Variants in PDE1C observed in about 807,000 individuals in gnomAD.
PDE1C encodes dual specificity calcium/calmodulin-dependent 3',5'-cyclic nucleotide phosphodiesterase 1C.
PDE1C carries 62 observed loss-of-function variants against 93.1 expected under a neutral mutation model. The observed-to-expected ratio is 0.67, with a 90% confidence interval of 0.54 to 0.82. The LOEUF (loss-of-function observed/expected upper bound fraction) is 0.82, where lower values mean the gene tolerates loss of function less well. PDE1C is among the 40% of genes least tolerant of loss of function. The probability of loss-of-function intolerance (pLI) is 0.00; values close to 1 mark genes in which losing one functional copy is unlikely to be tolerated. For synonymous variants in PDE1C, 325 were observed against 310.1 expected (o/e 1.05, Z -0.50); for missense variants, 742 against 884.6 (o/e 0.84, Z 2.04).
At chr7:31,808,135 T>C in intron 16 of PDE1C, 1 of 440,350 alleles carries the variant, frequency 2.3e-6, no homozygotes, top group Non-Finnish European at 4.3e-6. Context: ...ACGTTCCAAT[T>C]TATTCTTACT....
chr7:32,307,116 G>A (rs560777461), intron 1 of PDE1C, among the ~76,000 whole-genome samples: 4 of 152,306 alleles, frequency 2.6e-5, no homozygotes, highest in South Asian at 4.1e-4. Context: ...CCTACTATGT[G>A]CAGATAGTTT....
chr7:32,006,689 C>T (rs973720499), intron 2 of PDE1C, among the ~76,000 whole-genome samples: 2 of 152,192 alleles, frequency 1.3e-5, no homozygotes, highest in Non-Finnish European at 2.9e-5. Flanking sequence ...GATGAAATTC[C>T]ATAAACAGGC....
intron 16 of PDE1C, among the ~76,000 whole-genome samples, chr7:31,780,150 G>T (rs577256999): frequency 2.0e-4 from 30 of 152,278 alleles, no homozygotes; most frequent in African/African-American, 7.2e-4. Flanking sequence ...TAGTTGGTCT[G>T]GGTGGGACCT....
chr7:32,325,156 C>T (rs1353607300), intron 1 of PDE1C, among the ~76,000 whole-genome samples: 5 of 152,230 alleles, frequency 3.3e-5, no homozygotes, highest in Admixed American at 3.3e-4. Flanking sequence ...TTTGACTCAA[C>T]TGTGACCACC....
rs1385199963 is a variant in PDE1C at position 31,752,729 on chromosome 7, C to G, written c.*655G>C. ...GAGGTTATTGGGCATGAGGCACAAT[C>G]TTCATGAGGCACAAAAATCTTTTTT... On this transcript the variant is annotated 3_prime_UTR_variant, in exon 18 of 18. Coordinates refer to ENST00000396191, the MANE Select transcript of PDE1C (RefSeq NM_001191057.4). 1.3e-5 allele frequency: 2 copies of G among 152,132 alleles called. No homozygotes were observed. Among genetic ancestry groups the G allele is most frequent in the Non-Finnish European group, 2.9e-5 (2 of 68,020 alleles). The allele number at this position is 152,132 out of a possible 1,614,324, so 9.4% of individuals were successfully genotyped here. A position where few individuals can be genotyped will look rare whatever the true frequency, so the allele number is the denominator to read the frequency against.
chr7:32,395,025 T>C (rs936789687), intron 1 of PDE1C, among the ~76,000 whole-genome samples: 2 of 152,074 alleles, frequency 1.3e-5, no homozygotes, highest in Non-Finnish European at 2.9e-5. Context: ...TAAACCTCTT[T>C]CTCTATAAAT....
At chr7:31,655,669 C>G in the PDE1C span, 2 of 918,412 alleles carry the variant, frequency 2.2e-6, no homozygotes, top group Non-Finnish European at 2.6e-6. Context: ...ACATCCCCAT[C>G]TTGGCTCCTA....
At chr7:32,363,930 A>G (rs554539347) in intron 1 of PDE1C, among the ~76,000 whole-genome samples, 2 of 152,360 alleles carry the variant, frequency 1.3e-5, no homozygotes, top group South Asian at 2.1e-4. Context: ...GTTATTCCTC[A>G]TAACAATTCT....
At chr7:31,652,967 A>C in the PDE1C span, 1 of 1,459,136 alleles carries the variant, frequency 6.9e-7, no homozygotes, top group Non-Finnish European at 9.0e-7. Flanking sequence ...CCCTTTGGTT[A>C]AACCCAAGAG....
chr7:32,146,393 C>T (rs1800837292), intron 3 of PDE1C, among the ~76,000 whole-genome samples: 2 of 152,064 alleles, frequency 1.3e-5, no homozygotes, highest in South Asian at 4.2e-4. Context: ...AGAGGAGGAC[C>T]CATTCCTTTC....
rs539735280 is a variant in PDE1C at position 32,195,669 on chromosome 7, T to C, written c.136+13820A>G. On this transcript the variant is annotated intron_variant, in intron 2 of 18. Coordinates refer to the PDE1C transcript ENST00000396193. ...GAGTTCAAAACCAGCCTGGGCAACA[T>C]AGTGAGACCCTGTCTCAAATTTTTA... 4.2e-4 allele frequency among the ~76,000 whole-genome samples: 64 copies of C among 152,234 alleles called. No individual in the cohort carries two copies. The South Asian group carries it at 0.011, about 27-fold the overall frequency.
intron 12 of PDE1C, among the ~76,000 whole-genome samples, chr7:31,827,012 C>G (rs564958184): frequency 2.0e-5 from 3 of 152,152 alleles, no homozygotes; most frequent in Non-Finnish European, 2.9e-5. Context: ...AGATTAAGCC[C>G]ACAGGCTAAA....
At position 32,036,529 on chromosome 7, in the gene PDE1C, CAGA is replaced by C. The variant is rs777815675; in HGVS notation, c.128+15022_128+15024del. On this transcript the variant is annotated intron_variant, in intron 2 of 17. Coordinates refer to ENST00000396191, the MANE Select transcript of PDE1C (RefSeq NM_001191057.4). ...AATCAACAGAAAAAGTTAACAAGGA[CAGA>C]AGATTTTTAAAAACATTAATAAAAG... Among the ~76,000 whole-genome samples, 13 of 152,096 alleles carry C rather than the reference CAGA, an allele frequency of 8.5e-5. 3 individuals are homozygous for C. The highest frequency in any genetic ancestry group is 6.5e-5 in the Admixed American group (1 of 15,274).
At chr7:32,377,285 C>T (rs538398481) in intron 1 of PDE1C, among the ~76,000 whole-genome samples, 221 of 152,360 alleles carry the variant, frequency 1.5e-3, no homozygotes, top group Non-Finnish European at 2.1e-3. Context: ...CACCTCACCC[C>T]TCTCACCAAA....
At chr7:31,844,071 C>T (rs1447228269) in intron 9 of PDE1C, among the ~76,000 whole-genome samples, 1 of 151,760 alleles carries the variant, frequency 6.6e-6, no homozygotes, top group East Asian at 1.9e-4. Flanking sequence ...ATACAAACCT[C>T]ATGAGATGGT....
At chr7:32,184,323 A>C (rs1451429689) in intron 2 of PDE1C, among the ~76,000 whole-genome samples, 3 of 152,216 alleles carry the variant, frequency 2.0e-5, no homozygotes, top group African/African-American at 7.2e-5. Flanking sequence ...ATTATAAAAC[A>C]TGCTGCTATA....
chr7:31,714,085 G>A, the PDE1C span, among the ~76,000 whole-genome samples: 6 of 152,130 alleles, frequency 3.9e-5, no homozygotes, highest in African/African-American at 1.4e-4. Flanking sequence ...CTATTGTCAG[G>A]CTGCAAATTT....
chr7:32,218,823 A>G (rs11763287), intron 1 of PDE1C, among the ~76,000 whole-genome samples: 1 of 152,070 alleles, frequency 6.6e-6, no homozygotes, highest in Non-Finnish European at 1.5e-5. Context: ...TCCAGATTTC[A>G]GGTTGACTCT....
upstream of PDE1C, among the ~76,000 whole-genome samples, chr7:32,302,986 A>G (rs903218378): frequency 2.6e-5 from 4 of 152,220 alleles, no homozygotes; most frequent in Admixed American, 6.5e-5. Flanking sequence ...TCCCATTCAT[A>G]TAATCATTGG....
Sources: gnomAD v4.1 joint callset for allele counts (sites outside exome capture counted in the v4.1 genomes callset) on GRCh38, gnomAD v4.1.1 for gene constraint, MANE v1.5 for transcripts, NCBI Gene and HGNC (gene_info 2026-07-23, HGNC 2026-07-21) for gene names.